Variants in NT5DC1 observed in about 807,000 individuals in gnomAD.
NT5DC1 encodes 5'-nucleotidase domain-containing protein 1.
In NT5DC1, 42 loss-of-function variants were observed where a neutral mutation model predicts 59.4. The ratio of observed to expected loss-of-function variants is 0.71; its 90% CI spans 0.55 to 0.92. The LOEUF (loss-of-function observed/expected upper bound fraction) is 0.92, where lower values mean the gene tolerates loss of function less well. Ranked by LOEUF, NT5DC1 falls within the 40% of genes least tolerant of loss-of-function variation. The pLI is 0.00. For synonymous variants in NT5DC1, 172 were observed against 188.1 expected (o/e 0.91, Z 0.70); for missense variants, 501 against 537.1 (o/e 0.93, Z 0.66).
intron 6 of NT5DC1, among the ~76,000 whole-genome samples, chr6:116,168,753 G>T (rs1340371416): frequency 1.3e-5 from 2 of 151,942 alleles, no homozygotes; most frequent in African/African-American, 4.8e-5. Context: ...TCTACAGAGA[G>T]TACTTTTCTA....
chr6:116,121,794 G>A, intron 6 of NT5DC1: 5 of 1,613,608 alleles, frequency 3.1e-6, no homozygotes, highest in Non-Finnish European at 4.2e-6. Context: ...GGCACACCTG[G>A]TTTCCCTACA....
At chr6:116,107,152 C>T (rs1215593093) in intron 2 of NT5DC1, among the ~76,000 whole-genome samples, 1 of 151,126 alleles carries the variant, frequency 6.6e-6, no homozygotes. Flanking sequence ...GCTGATCATG[C>T]CACTGCATTC....
chr6:116,195,764 A>C (rs897139318), intron 6 of NT5DC1, among the ~76,000 whole-genome samples: 3 of 152,086 alleles, frequency 2.0e-5, no homozygotes, highest in African/African-American at 7.2e-5. Flanking sequence ...AACAATAGCA[A>C]CTAGTAGCAA....
intron 6 of NT5DC1, among the ~76,000 whole-genome samples, chr6:116,171,779 TACA>T: frequency 6.6e-6 from 1 of 152,342 alleles, no homozygotes; most frequent in Middle Eastern, 3.4e-3. Flanking sequence ...GCAATTGGGG[TACA>T]GAGAGAAGCC....
intron 6 of NT5DC1, among the ~76,000 whole-genome samples, chr6:116,216,941 A>G (rs1432757094): frequency 6.6e-6 from 1 of 152,126 alleles, no homozygotes; most frequent in Non-Finnish European, 1.5e-5. Context: ...AATCTCTTCT[A>G]AATTATATTC....
At chr6:116,158,501 A>G (rs1292761142) in intron 6 of NT5DC1, 2 of 152,210 alleles carry the variant, frequency 1.3e-5, no homozygotes, top group East Asian at 3.8e-4. Context: ...AATACATTTT[A>G]TCTCTTCAGA....
intron 5 of NT5DC1, among the ~76,000 whole-genome samples, chr6:116,116,896 A>G (rs962058884): frequency 6.6e-6 from 1 of 152,066 alleles, no homozygotes; most frequent in African/African-American, 2.4e-5. Context: ...CTTTGTTTAG[A>G]TAGGTCACTG....
chr6:116,151,053 G>T (rs1780024266), intron 6 of NT5DC1, among the ~76,000 whole-genome samples: 1 of 152,124 alleles, frequency 6.6e-6, no homozygotes. Context: ...TAGAAATCTT[G>T]ACATCTCTGA....
chr6:116,121,631 C>G, intron 6 of NT5DC1: 1 of 1,614,006 alleles, frequency 6.2e-7, no homozygotes, highest in Non-Finnish European at 8.5e-7. Context: ...TCCTGTGGGT[C>G]CCTGTTGTCC....
At chr6:116,123,036 G>A (rs540940233) in intron 6 of NT5DC1, among the ~76,000 whole-genome samples, 1 of 152,220 alleles carries the variant, frequency 6.6e-6, no homozygotes, top group Admixed American at 6.5e-5. Context: ...GCAAATAGAG[G>A]AATAAATAAG....
chr6:116,189,907 T>C (rs1171163919), intron 6 of NT5DC1, among the ~76,000 whole-genome samples: 1 of 152,034 alleles, frequency 6.6e-6, no homozygotes, highest in Non-Finnish European at 1.5e-5. Flanking sequence ...TGTATGTTTT[T>C]GCCTTTTAAG....
rs201165060 is a variant in NT5DC1 at position 116,238,355 on chromosome 6, G to A, written c.1083+7G>A. 1,046 of 1,570,448 alleles carry A rather than the reference G, an allele frequency of 6.7e-4. 7 individuals are homozygous for A. Among genetic ancestry groups the A allele is most frequent in the Non-Finnish European group, 1.4e-4 (164 of 1,161,608 alleles). ...GAAGAAAGGAAAATATGAGGTAAGGGTTCCCTGCAGCTCTTTCCTTGAAAG... is the reference window on the plus strand; with the variant it reads ...GAAGAAAGGAAAATATGAGGTAAGGATTCCCTGCAGCTCTTTCCTTGAAAG... On this transcript the variant is annotated splice_region_variant and intron_variant, in intron 10 of 11. Transcript: ENST00000319550.
chr6:116,205,067 C>T (rs906016976), intron 6 of NT5DC1, among the ~76,000 whole-genome samples: 4 of 151,926 alleles, frequency 2.6e-5, no homozygotes, highest in African/African-American at 9.7e-5. Flanking sequence ...GTATACAGTG[C>T]AGAAGTGTCC....
intron 6 of NT5DC1, among the ~76,000 whole-genome samples, chr6:116,200,828 T>C (rs935641694): frequency 1.3e-5 from 2 of 151,966 alleles, no homozygotes; most frequent in African/African-American, 4.8e-5. Context: ...TTGGCATAAA[T>C]CCTGTGGCAG....
At chr6:116,224,288 T>C (rs1174149490) in intron 8 of NT5DC1, among the ~76,000 whole-genome samples, 1 of 152,194 alleles carries the variant, frequency 6.6e-6, no homozygotes, top group Non-Finnish European at 1.5e-5. Context: ...AGGCATTTGA[T>C]AGTAGCTCAG....
At chr6:116,201,607 T>C (rs1176442351) in intron 6 of NT5DC1, among the ~76,000 whole-genome samples, 1 of 151,934 alleles carries the variant, frequency 6.6e-6, no homozygotes, top group African/African-American at 2.4e-5. Flanking sequence ...ATAAAGATAA[T>C]AGGGCAAACA....
chr6:116,121,187 CT>C (rs1562123906), intron 6 of NT5DC1: 1 of 1,613,318 alleles, frequency 6.2e-7, no homozygotes, highest in East Asian at 2.2e-5. Context: ...AGCAGGTCCT[CT>C]TTCTCCCTTC....
chr6:116,100,992 T>C lies in NT5DC1; in HGVS notation c.62T>C (p.Leu21Pro). The C allele has an allele frequency of 1.3e-5, 21 of 1,603,424 alleles. No homozygotes were observed. Among genetic ancestry groups the C allele is most frequent in the Non-Finnish European group, 1.8e-5 (21 of 1,176,316 alleles). ...GTCGGATTCGACCTGGACCACACTCTGTGTCGCTACAACCTGCCCGAGAGC... is the reference window on the plus strand; with the variant it reads ...GTCGGATTCGACCTGGACCACACTCCGTGTCGCTACAACCTGCCCGAGAGC... ...DVVGFDLDHTLCRYNLPESAP... is the reference protein window; with the variant it reads ...DVVGFDLDHTPCRYNLPESAP... Residue 21 changes from leucine to proline, a missense_variant, in exon 1 of 12, where the codon CTG becomes CCG. By Grantham distance (98) the Leu-to-Pro change is moderately conservative. Transcript: ENST00000319550.
chr6:116,207,444 A>C (rs1396830021), intron 6 of NT5DC1, among the ~76,000 whole-genome samples: 1 of 151,956 alleles, frequency 6.6e-6, no homozygotes, highest in Non-Finnish European at 1.5e-5. Context: ...GTAAAGACTA[A>C]GTTTATAACC....
Sources: gnomAD v4.1 joint callset for allele counts (sites outside exome capture counted in the v4.1 genomes callset) on GRCh38, gnomAD v4.1.1 for gene constraint, MANE v1.5 for transcripts, NCBI Gene and HGNC (gene_info 2026-07-23, HGNC 2026-07-21) for gene names.